The following FAM107B variants were observed in gnomAD, a reference collection of about 807,000 sequenced individuals.
The protein encoded by FAM107B is protein FAM107B.
In FAM107B, 21 loss-of-function variants were observed where a neutral mutation model predicts 31.5. The observed-to-expected ratio is 0.67, with a 90% CI of 0.47 to 0.96. The LOEUF (loss-of-function observed/expected upper bound fraction) is 0.96. FAM107B is among the 40% of genes least tolerant of loss of function. The probability of loss-of-function intolerance (pLI) is 0.00; values close to 1 mark genes in which losing one functional copy is unlikely to be tolerated. For missense variants in FAM107B, 452 were observed against 377.1 expected (o/e 1.20, Z -1.64); for synonymous variants, 157 against 141.5 (o/e 1.11, Z -0.78).
intron 1 of FAM107B, among the ~76,000 whole-genome samples, chr10:14,753,254 A>G (rs1041351441): frequency 6.6e-6 from 1 of 152,178 alleles, no homozygotes; most frequent in African/African-American, 2.4e-5. Context: ...CATACATATC[A>G]ATACACACAT....
chr10:14,568,830 C>A (rs1372970238), intron 2 of FAM107B, among the ~76,000 whole-genome samples: 1 of 151,142 alleles, frequency 6.6e-6, no homozygotes, highest in Non-Finnish European at 1.5e-5. Flanking sequence ...AGGCAAAGAG[C>A]AGTCCCAGGA....
chr10:14,540,615 C>T (rs937082570), intron 2 of FAM107B, among the ~76,000 whole-genome samples: 3 of 152,232 alleles, frequency 2.0e-5, no homozygotes, highest in Non-Finnish European at 4.4e-5. Context: ...GCAGTCCAGG[C>T]AGAGGGCCAC....
intron 2 of FAM107B, among the ~76,000 whole-genome samples, chr10:14,596,940 C>T (rs35375469): frequency 0.16 from 25,052 of 152,106 alleles, 2,496 homozygotes; most frequent in African/African-American, 0.28. Flanking sequence ...TAGAAGACGA[C>T]GCTGGGAAAC....
At chr10:14,702,145 T>C (rs1855413832) in intron 1 of FAM107B, among the ~76,000 whole-genome samples, 1 of 152,260 alleles carries the variant, frequency 6.6e-6, no homozygotes, top group Non-Finnish European at 1.5e-5. Context: ...GCAATATTCT[T>C]AAGGAACAAA....
intron 1 of FAM107B, among the ~76,000 whole-genome samples, chr10:14,733,391 G>A (rs546740115): frequency 1.3e-5 from 2 of 152,120 alleles, no homozygotes; most frequent in South Asian, 4.2e-4. Flanking sequence ...TTAACAAAAT[G>A]CCACCAAGTT....
At chr10:14,667,541 T>C in intron 2 of FAM107B, 93 bp downstream of exon 2, 1 of 1,295,034 alleles carries the variant, frequency 7.7e-7, no homozygotes, top group South Asian at 1.3e-5. Flanking sequence ...AACATACAGG[T>C]TTTCCTTTGC....
chr10:14,638,872 T>G (rs1317974030), intron 2 of FAM107B, among the ~76,000 whole-genome samples: 2 of 152,186 alleles, frequency 1.3e-5, no homozygotes, highest in Non-Finnish European at 2.9e-5. Flanking sequence ...TACTTCCTTC[T>G]AGAGTGTTCT....
At chr10:14,615,041 A>G (rs1376541802) in intron 2 of FAM107B, among the ~76,000 whole-genome samples, 1 of 152,176 alleles carries the variant, frequency 6.6e-6, no homozygotes, top group Non-Finnish European at 1.5e-5. Context: ...TAAAAATGGC[A>G]GAAACTGCTG....
chr10:14,722,921 T>C (rs1855946277), intron 1 of FAM107B, among the ~76,000 whole-genome samples: 1 of 152,230 alleles, frequency 6.6e-6, no homozygotes, highest in Non-Finnish European at 1.5e-5. Context: ...ACTCCTATGT[T>C]TTCTTCTAAG....
intron 1 of FAM107B, among the ~76,000 whole-genome samples, chr10:14,771,640 AAAT>A (rs869290823): frequency 1.4e-5 from 2 of 138,228 alleles, no homozygotes; most frequent in African/African-American, 3.6e-5. Flanking sequence ...ATTAAAAAAC[AAAT>A]AATAATTATA....
rs563404789 is a variant in FAM107B, at chr10:14,585,338, G to A, written c.470-54823C>T. 4.6e-5 allele frequency among the ~76,000 whole-genome samples: 7 copies of A among 152,060 alleles called. No individual in the cohort carries two copies. In the East Asian group the frequency reaches 1.2e-3, roughly 25 times the overall value. On this transcript the variant is annotated intron_variant, in intron 2 of 4. Transcript: ENST00000181796. Reference sequence around the variant, plus strand: ...CCACTCTCGCAAGCCCCATCTTCCCGGCAGTCAACTAAGAATCAGACTTTC... The same window carrying A: ...CCACTCTCGCAAGCCCCATCTTCCCAGCAGTCAACTAAGAATCAGACTTTC...
At chr10:14,690,023 AAGGGAGGGAGGG>A (rs1188184982) in intron 1 of FAM107B, among the ~76,000 whole-genome samples, 1 of 68,000 alleles carries the variant, frequency 1.5e-5, no homozygotes, top group Non-Finnish European at 3.2e-5. Flanking sequence ...GGAAGGAAGG[AAGGGAGGGAGGG>A]AGGGAGGGAG....
rs577822578 is a variant in FAM107B, at chr10:14,559,342, C to T, written c.470-28827G>A. 8.5e-4 allele frequency among the ~76,000 whole-genome samples: 130 copies of T among 152,282 alleles called. 1 individual carries two copies. Among genetic ancestry groups the T allele is most frequent in the Middle Eastern group, 3.4e-3 (1 of 294 alleles). ...CCTGCGCAGCCAGCCTTCATGAGCCCAGCTTTGCCAGCACCGAGGTCTGAG... is the reference window on the plus strand; with the variant it reads ...CCTGCGCAGCCAGCCTTCATGAGCCTAGCTTTGCCAGCACCGAGGTCTGAG... On this transcript the variant is annotated intron_variant, in intron 2 of 4. Transcript: ENST00000181796.
At chr10:14,726,716 T>C (rs1856043751) in intron 1 of FAM107B, among the ~76,000 whole-genome samples, 1 of 152,140 alleles carries the variant, frequency 6.6e-6, no homozygotes, top group Admixed American at 6.5e-5. Context: ...TCCCAAATTA[T>C]CAGCTGCTTT....
chr10:14,665,722 A>C (rs1360846347), intron 2 of FAM107B, among the ~76,000 whole-genome samples: 2 of 152,216 alleles, frequency 1.3e-5, no homozygotes, highest in Non-Finnish European at 2.9e-5. Flanking sequence ...GTAGGCTTTC[A>C]AACTCCAATC....
chr10:14,647,560 T>C (rs1464604431), intron 2 of FAM107B, among the ~76,000 whole-genome samples: 1 of 151,892 alleles, frequency 6.6e-6, no homozygotes, highest in Non-Finnish European at 1.5e-5. Flanking sequence ...GGTGGGTGAC[T>C]GTAGTCCCAG....
At chr10:14,650,447 G>A (rs1000886542) in intron 2 of FAM107B, among the ~76,000 whole-genome samples, 2 of 151,946 alleles carry the variant, frequency 1.3e-5, no homozygotes, top group Non-Finnish European at 2.9e-5. Context: ...CACCATGCCT[G>A]GCTCATTTTT....
At chr10:14,723,072 G>A (rs1373406659) in intron 1 of FAM107B, 2 of 363,994 alleles carry the variant, frequency 5.5e-6, no homozygotes, top group East Asian at 1.4e-4. Context: ...TTATATTTAG[G>A]TCTTCTTTGG....
intron 2 of FAM107B, among the ~76,000 whole-genome samples, chr10:14,653,118 A>G (rs1853944298): frequency 2.0e-5 from 3 of 152,240 alleles, no homozygotes; most frequent in Non-Finnish European, 2.9e-5. Flanking sequence ...GAATGAACAC[A>G]TGGACAAATT....
Sources: allele counts gnomAD v4.1 joint callset (sites outside exome capture counted in the v4.1 genomes callset), GRCh38; gene constraint gnomAD v4.1.1; transcripts MANE v1.5; gene names NCBI Gene and HGNC (gene_info 2026-07-23, HGNC 2026-07-21).